CCDC149: variants seen among roughly 807,000 people sequenced by gnomAD.
CCDC149 encodes coiled-coil domain containing 149, also known as coiled-coil domain-containing protein 149.
CCDC149 carries 45 observed loss-of-function variants against 59.9 expected under a neutral mutation model. The observed-to-expected ratio is 0.75, with a 90% CI of 0.59 to 0.96. CCDC149 has a LOEUF of 0.96. CCDC149 is among the 40% of genes least tolerant of loss of function. The pLI is 0.00. For synonymous variants in CCDC149, 245 were observed against 260.6 expected, an observed-to-expected ratio of 0.94 and a Z score of 0.58; for missense variants, 584 against 664.7, an observed-to-expected ratio of 0.88 and a Z score of 1.33.
At chr4:24,969,623 G>C (rs527280169) in intron 1 of CCDC149, among the ~76,000 whole-genome samples, 1 of 152,166 alleles carries the variant, frequency 6.6e-6, no homozygotes, top group African/African-American at 2.4e-5. Context: ...TTGAACGAAC[G>C]GCCACAGAAA....
chr4:24,923,663 T>C (rs988901892), intron 1 of CCDC149, among the ~76,000 whole-genome samples: 27 of 151,436 alleles, frequency 1.8e-4, no homozygotes, highest in African/African-American at 6.3e-4. Flanking sequence ...GACCAGAAAA[T>C]AGAGAGGAGG....
intron 1 of CCDC149, among the ~76,000 whole-genome samples, chr4:24,880,039 T>C (rs1028565665): frequency 1.8e-4 from 27 of 152,208 alleles, no homozygotes; most frequent in Non-Finnish European, 4.4e-5. Context: ...TTTGGGATTC[T>C]AAACAAGTAC....
rs1427928895 is a variant in CCDC149, at chr4:24,838,207, T to C, written c.438A>G (p.Ala146=). Residue 146 remains alanine (A), a synonymous_variant, in exon 5 of 13, where the codon GCA becomes GCG. Coordinates refer to ENST00000635206, the MANE Select transcript of CCDC149 (RefSeq NM_001330643.2). ...GCACCAAGTCTTCACGCTCATGGGC[T>C]GCAAAGTGTCGCACGCCGATTGCTT... 6.2e-7 allele frequency: 1 copy of C among 1,614,076 alleles called. No individual in the cohort carries two copies. Among genetic ancestry groups the C allele is most frequent in the African/African-American group, 1.3e-5 (1 of 74,924 alleles).
At chr4:24,885,458 C>T (rs188671572) in intron 1 of CCDC149, among the ~76,000 whole-genome samples, 15 of 152,286 alleles carry the variant, frequency 9.8e-5, no homozygotes, top group Admixed American at 5.9e-4. Flanking sequence ...TGTTTCTTAA[C>T]GCAGTCTGTG....
intron 3 of CCDC149, among the ~76,000 whole-genome samples, chr4:24,872,162 C>A (rs942355296): frequency 2.0e-5 from 3 of 152,126 alleles, no homozygotes; most frequent in East Asian, 1.9e-4. Context: ...CTCAAAGGAA[C>A]AGAACAGAGA....
intron 1 of CCDC149, 150 bp downstream of exon 1, chr4:24,912,667 T>C (rs1293118142): frequency 8.3e-6 from 3 of 360,288 alleles, no homozygotes; most frequent in Non-Finnish European, 1.3e-5. Context: ...GCGGCGCACC[T>C]GGCGGGGTCG....
chr4:24,894,554 T>C (rs1720732033), intron 1 of CCDC149, among the ~76,000 whole-genome samples: 1 of 152,144 alleles, frequency 6.6e-6, no homozygotes, highest in Non-Finnish European at 1.5e-5. Context: ...CAATGTCATC[T>C]TAAAAGAACC....
intron 1 of CCDC149, among the ~76,000 whole-genome samples, chr4:24,951,080 C>T (rs1484470009): frequency 6.6e-6 from 1 of 152,232 alleles, no homozygotes; most frequent in African/African-American, 2.4e-5. Context: ...CAGGGATACA[C>T]AGGAAATCGC....
intron 1 of CCDC149, among the ~76,000 whole-genome samples, chr4:24,922,816 C>G (rs1012992301): frequency 2.6e-5 from 4 of 152,116 alleles, no homozygotes; most frequent in South Asian, 2.1e-4. Flanking sequence ...CTTGCGTACC[C>G]CTTTGAAACA....
chr4:24,849,937 C>T (rs1056954722), intron 4 of CCDC149, among the ~76,000 whole-genome samples: 1 of 152,190 alleles, frequency 6.6e-6, no homozygotes, highest in Non-Finnish European at 1.5e-5. Flanking sequence ...TATCCCTTGT[C>T]CCCCAAGGCT....
At chr4:24,835,441 T>C (rs1052936678) in intron 7 of CCDC149, among the ~76,000 whole-genome samples, 2 of 152,206 alleles carry the variant, frequency 1.3e-5, no homozygotes, top group African/African-American at 4.8e-5. Context: ...AAGAGAGCCA[T>C]GATCAATTAG....
intron 1 of CCDC149, among the ~76,000 whole-genome samples, chr4:24,959,186 G>A (rs1471801852): frequency 6.6e-6 from 1 of 152,144 alleles, no homozygotes; most frequent in African/African-American, 2.4e-5. Flanking sequence ...ATGTTAGCCA[G>A]GATGGTCACA....
At chr4:24,909,269 C>A (rs147806773) in intron 1 of CCDC149, among the ~76,000 whole-genome samples, 24 of 152,266 alleles carry the variant, frequency 1.6e-4, no homozygotes, top group African/African-American at 4.8e-4. Context: ...GCACCCAGGA[C>A]TTCTGCAGAA....
intron 4 of CCDC149, among the ~76,000 whole-genome samples, chr4:24,840,787 T>C (rs1716887727): frequency 6.6e-6 from 1 of 152,178 alleles, no homozygotes; most frequent in African/African-American, 2.4e-5. Flanking sequence ...GACAGTGCTG[T>C]TGAACTCAGT....
intron 1 of CCDC149, among the ~76,000 whole-genome samples, chr4:24,973,178 T>C (rs1187269397): frequency 6.6e-6 from 1 of 152,206 alleles, no homozygotes; most frequent in African/African-American, 2.4e-5. Flanking sequence ...CAAACCAATA[T>C]ATACCTCACA....
At chr4:24,812,286 A>T (rs1378640430) in intron 12 of CCDC149, among the ~76,000 whole-genome samples, 6 of 152,136 alleles carry the variant, frequency 3.9e-5, no homozygotes, top group Admixed American at 3.9e-4. Context: ...GTTGATTCTG[A>T]TATTTCCTTC....
At chr4:24,819,375 G>A (rs1715215442) in intron 12 of CCDC149, among the ~76,000 whole-genome samples, 1 of 152,128 alleles carries the variant, frequency 6.6e-6, no homozygotes, top group South Asian at 2.1e-4. Context: ...AGGCTGGAGT[G>A]TGGTGGCACA....
At chr4:24,931,829 G>GTATATATATGTATGTATATATATA (rs60585956) in intron 1 of CCDC149, among the ~76,000 whole-genome samples, 1 of 76,908 alleles carries the variant, frequency 1.3e-5, no homozygotes, top group East Asian at 4.3e-4. Flanking sequence ...TGGAGAGTAT[G>GTATATATATGTATGTATATATATA]TATATATATA....
chr4:24,905,419 G>A (rs1270010096), intron 1 of CCDC149, among the ~76,000 whole-genome samples: 1 of 107,030 alleles, frequency 9.3e-6, no homozygotes, highest in Non-Finnish European at 1.8e-5. Context: ...GCGTGCGTGT[G>A]TGTGTGTGTG....
Sources: allele counts gnomAD v4.1 joint callset (sites outside exome capture counted in the v4.1 genomes callset), GRCh38; gene constraint gnomAD v4.1.1; transcripts MANE v1.5; gene names NCBI Gene and HGNC (gene_info 2026-07-23, HGNC 2026-07-21).